Variants in FBXL17 observed in about 807,000 individuals in gnomAD.
FBXL17 encodes the protein F-box and leucine rich repeat protein 17, also known as F-box/LRR-repeat protein 17.
FBXL17 carries 22 observed loss-of-function variants against 66.2 expected under a neutral mutation model. The observed-to-expected ratio is 0.33, with a 90% confidence interval of 0.24 to 0.47. The LOEUF (loss-of-function observed/expected upper bound fraction) is 0.47. FBXL17 is among the 20% of genes least tolerant of loss of function. The pLI is 1.00. For missense variants in FBXL17, 878 were observed against 948.2 expected (o/e 0.93, Z 0.97); for synonymous variants, 474 against 400.5 (o/e 1.18, Z -2.19).
intron 4 of FBXL17, among the ~76,000 whole-genome samples, chr5:108,332,571 C>T (rs1218145191): frequency 4.6e-5 from 7 of 151,970 alleles, no homozygotes; most frequent in Admixed American, 4.6e-4. Flanking sequence ...AGTTACTGTC[C>T]GTCAGAGGTA....
rs370464411 is a variant in FBXL17 at position 108,015,603 on chromosome 5, C to T, written c.1822+5322G>A. On this transcript the variant is annotated intron_variant, in intron 7 of 8. Transcript: ENST00000542267. ...TAATAAAGAGCAAAATTATTTTGGG[C>T]ATAGAAATTTTTTTCTTGAATAATT... Among the ~76,000 whole-genome samples, 381 of 152,198 alleles carry T rather than the reference C, an allele frequency of 2.5e-3. 2 individuals are homozygous for T. Among genetic ancestry groups the T allele is most frequent in the African/African-American group, 7.4e-3 (307 of 41,524 alleles).
At chr5:108,170,605 A>G (rs1262566665) in intron 6 of FBXL17, among the ~76,000 whole-genome samples, 1 of 152,028 alleles carries the variant, frequency 6.6e-6, no homozygotes, top group Non-Finnish European at 1.5e-5. Context: ...GCCATCTCAG[A>G]TCACTGCAAC....
chr5:107,905,234 A>G (rs1749715977), intron 7 of FBXL17, among the ~76,000 whole-genome samples: 1 of 151,744 alleles, frequency 6.6e-6, no homozygotes, highest in Admixed American at 6.6e-5. Flanking sequence ...TATACATAAA[A>G]ACAGTTTGTA....
At chr5:107,940,493 A>G (rs1751055918) in intron 7 of FBXL17, among the ~76,000 whole-genome samples, 1 of 152,130 alleles carries the variant, frequency 6.6e-6, no homozygotes, top group African/African-American at 2.4e-5. Flanking sequence ...TAAGGTGGTG[A>G]TCTTCAGGGG....
chr5:108,256,266 G>C (rs1453721690), intron 4 of FBXL17, among the ~76,000 whole-genome samples: 2 of 152,066 alleles, frequency 1.3e-5, no homozygotes, highest in Non-Finnish European at 2.9e-5. Flanking sequence ...TAAGTACTAT[G>C]CCTTCTAAAG....
chr5:107,906,711 G>A (rs762273704), intron 7 of FBXL17, among the ~76,000 whole-genome samples: 1 of 152,138 alleles, frequency 6.6e-6, no homozygotes. Context: ...GGGAGGACAC[G>A]TCTAGGAAGA....
At chr5:108,041,518 G>C (rs1259177105) in intron 6 of FBXL17, among the ~76,000 whole-genome samples, 1 of 152,126 alleles carries the variant, frequency 6.6e-6, no homozygotes, top group Admixed American at 6.6e-5. Flanking sequence ...CTGGGCTCAA[G>C]TGATCCTCCC....
intron 1 of FBXL17, among the ~76,000 whole-genome samples, chr5:108,370,444 T>C (rs1371601830): frequency 2.0e-5 from 3 of 152,096 alleles, no homozygotes; most frequent in Non-Finnish European, 4.4e-5. Flanking sequence ...TAGTGAGAAG[T>C]ATAGAATATC....
At chr5:108,086,837 A>C (rs1043497828) in intron 6 of FBXL17, among the ~76,000 whole-genome samples, 17 of 152,102 alleles carry the variant, frequency 1.1e-4, no homozygotes, top group African/African-American at 3.6e-4. Context: ...CTGGGATTAC[A>C]GGTGTAAGCT....
chr5:108,332,649 C>T (rs1760176841), intron 4 of FBXL17, among the ~76,000 whole-genome samples: 1 of 152,060 alleles, frequency 6.6e-6, no homozygotes, highest in Non-Finnish European at 1.5e-5. Flanking sequence ...GCTCTGTCAA[C>T]CAGGCTGGAG....
chr5:108,015,318 T>G (rs956717310), intron 7 of FBXL17, among the ~76,000 whole-genome samples: 1 of 152,138 alleles, frequency 6.6e-6, no homozygotes, highest in African/African-American at 2.4e-5. Context: ...GAAAAAAAAG[T>G]GTGAATAATC....
chr5:108,064,174 G>A (rs1213721534), intron 6 of FBXL17, among the ~76,000 whole-genome samples: 1 of 151,904 alleles, frequency 6.6e-6, no homozygotes, highest in Non-Finnish European at 1.5e-5. Flanking sequence ...AATATATATT[G>A]CAGGCACACC....
rs542651571 is a variant in FBXL17 at position 108,011,146 on chromosome 5, T to C, written c.1822+9779A>G. On this transcript the variant is annotated intron_variant, in intron 7 of 8. Transcript: ENST00000542267. ...CTTTCTAAATAGGAAAGTTGGGACA[T>C]GTTTGTTTTGTTTTTCTTCAAAATA... Among the ~76,000 whole-genome samples the C allele has an allele frequency of 1.6e-4, 24 of 152,334 alleles. No homozygotes were observed. In the South Asian group the frequency reaches 4.8e-3, roughly 30 times the overall value.
intron 1 of FBXL17, among the ~76,000 whole-genome samples, chr5:108,374,343 G>T (rs932029082): frequency 6.6e-6 from 1 of 152,128 alleles, no homozygotes; most frequent in Non-Finnish European, 1.5e-5. Flanking sequence ...CTCATACAAA[G>T]TATCTTTTCC....
intron 6 of FBXL17, among the ~76,000 whole-genome samples, chr5:108,042,079 G>C (rs1181958944): frequency 6.6e-6 from 1 of 152,056 alleles, no homozygotes; most frequent in African/African-American, 2.4e-5. Context: ...ATTTTTAGTA[G>C]AGAGGGGGTT....
intron 3 of FBXL17, among the ~76,000 whole-genome samples, chr5:108,364,527 A>G (rs934213049): frequency 1.3e-5 from 2 of 152,048 alleles, no homozygotes; most frequent in Non-Finnish European, 2.9e-5. Context: ...ACAGAAGTTC[A>G]GGCTCTCACT....
intron 6 of FBXL17, among the ~76,000 whole-genome samples, chr5:108,027,722 C>A (rs1014418297): frequency 4.6e-5 from 7 of 151,970 alleles, no homozygotes; most frequent in African/African-American, 1.7e-4. Flanking sequence ...CTATAACTAT[C>A]AAAAATCAAC....
intron 8 of FBXL17, among the ~76,000 whole-genome samples, chr5:107,870,483 G>A (rs1260505650): frequency 6.6e-6 from 1 of 152,006 alleles, no homozygotes; most frequent in Non-Finnish European, 1.5e-5. Context: ...AACAGCTAAG[G>A]GGAAGGAAAA....
At chr5:107,916,601 AGTC>A (rs1278037152) in intron 7 of FBXL17, among the ~76,000 whole-genome samples, 1 of 89,504 alleles carries the variant, frequency 1.1e-5, no homozygotes, top group Non-Finnish European at 3.1e-5. Context: ...TTTTAAATGA[AGTC>A]AAGTCTAAAA....
Sources: allele counts gnomAD v4.1 joint callset (sites outside exome capture counted in the v4.1 genomes callset), GRCh38; gene constraint gnomAD v4.1.1; transcripts MANE v1.5; gene names NCBI Gene and HGNC (gene_info 2026-07-23, HGNC 2026-07-21).